The following SLC38A5 variants were observed in gnomAD, a reference collection of about 807,000 sequenced individuals.
SLC38A5 encodes the protein solute carrier family 38 member 5.
SLC38A5 carries 9 observed loss-of-function variants against 34.6 expected under a neutral mutation model. That is an observed-to-expected ratio of 0.26 (90% CI 0.16 to 0.45). The LOEUF is 0.45. Ranked by LOEUF, SLC38A5 falls within the 20% of genes least tolerant of loss-of-function variation. The pLI, the probability that SLC38A5 is intolerant of heterozygous loss-of-function variation, is 1.00. For synonymous variants in SLC38A5, 157 were observed against 155.6 expected (o/e 1.01, Z -0.07); for missense variants, 253 against 394.7 (o/e 0.64, Z 3.04).
Position 48,459,805 on chromosome X carries a change from AGCTATGGCCACATGTCGTGGCCAGCT to A in SLC38A5, c.1114_1139del (p.Trp373AspfsTer47). 1 of 1,211,671 alleles carries A rather than the reference AGCTATGGCCACATGTCGTGGCCAGCT, an allele frequency of 8.3e-7. No homozygotes were observed. The highest frequency in any genetic ancestry group is 3.0e-5 in the East Asian group (1 of 33,814). Reference sequence around the variant, plus strand: ...CATTGACCAAAACAAGCAGGATCAGAGCTATGGCCACATGTCGTGGCCAGCTGAAGGCCTTGCCTGGGAAAAGCAGC... The same window carrying A: ...CATTGACCAAAACAAGCAGGATCAGAGAAGGCCTTGCCTGGGAAAAGCAGC... On this transcript the variant is annotated frameshift_variant, in exon 15 of 17. Transcript: ENST00000620913. LOFTEE classifies it high-confidence loss of function.
chrX:48,467,758 C>A lies in SLC38A5; in HGVS notation c.81G>T (p.Leu27=), dbSNP rs782037687. Residue 27 remains leucine (L), a synonymous_variant, in exon 4 of 17, where the codon CTG becomes CTT. Transcript: ENST00000620913. The part of the protein sequence containing the change: ...VGYRQEREGF[L]PSRGPAPGSK... ...TCCCAGGAGCAGGACCACGACTGGG[C>A]AGGAAGCCCTCACGTTCTTGCCTGT... The A allele has an allele frequency of 8.3e-6, 10 of 1,206,121 alleles. No homozygotes were observed. In the African/African-American group the frequency reaches 1.4e-4, roughly 17 times the overall value.
At chrX:48,466,673 G>T in intron 6 of SLC38A5, 126 bp downstream of exon 6, 2 of 727,843 alleles carry the variant, frequency 2.7e-6, no homozygotes, top group Non-Finnish European at 4.2e-6. Flanking sequence ...GGGATCTGGG[G>T]TCTGCATTCA....
chrX:48,459,467 C>G, intron 16 of SLC38A5, 69 bp downstream of exon 16: 1 of 938,353 alleles, frequency 1.1e-6, no homozygotes, highest in Non-Finnish European at 1.4e-6. Context: ...TCACCTCCAG[C>G]CATCCTGGAG....
intron 9 of SLC38A5, 138 bp downstream of exon 9, chrX:48,462,760 C>T: frequency 2.0e-6 from 1 of 489,932 alleles, no homozygotes; most frequent in Non-Finnish European, 3.3e-6. Context: ...TAGCAAACTC[C>T]TACTAATCTG....
chrX:48,460,928 A>T lies in SLC38A5; in HGVS notation c.952+58T>A, dbSNP rs2061429313. The T allele has an allele frequency of 1.4e-5, 15 of 1,070,617 alleles. No homozygotes were observed. In the South Asian group the frequency reaches 1.8e-4, roughly 13 times the overall value. 88.2% of individuals were successfully genotyped at this position (1,070,617 alleles called of 1,213,427 possible). A position where few individuals can be genotyped will look rare whatever the true frequency, so the allele number is the denominator to read the frequency against. On this transcript the variant is annotated intron_variant, in intron 13 of 16. Transcript: ENST00000620913. The stretch of plus-strand genomic sequence containing the variant: ...CCGTGGTCACAGAAGGAAAGAGCTC[A>T]GAGGCTCCTGCCCCAGGCCTTCCCC...
At chrX:48,463,911 G>GAAAGAAAA (rs782068302) in intron 8 of SLC38A5, among the ~76,000 whole-genome samples, 13 of 97,544 alleles carry the variant, frequency 1.3e-4, no homozygotes, top group African/African-American at 3.9e-4. Context: ...AAGAAAGAAA[G>GAAAGAAAA]AGAAAGAAAG....
At chrX:48,464,274 G>A (rs781865152) in intron 8 of SLC38A5, among the ~76,000 whole-genome samples, 1 of 112,715 alleles carries the variant, frequency 8.9e-6, no homozygotes, top group Non-Finnish European at 1.9e-5. Context: ...GACAGAATCA[G>A]CTGAACAACT....
chrX:48,460,526 G>A, intron 14 of SLC38A5, 123 bp downstream of exon 14: 2 of 670,517 alleles, frequency 3.0e-6, no homozygotes, highest in Non-Finnish European at 4.5e-6. Context: ...GCCCTTTCCT[G>A]TCTGTCCATC....
At chrX:48,461,618 C>A in intron 12 of SLC38A5, 100 bp downstream of exon 12, 1 of 900,010 alleles carries the variant, frequency 1.1e-6, no homozygotes. Flanking sequence ...CTAGCTTCCA[C>A]CAAGTGACAG....
rs781983928 is a variant in SLC38A5 at position 48,459,753 on chromosome X, G to A, written c.1192C>T (p.Arg398Trp). The stretch of plus-strand genomic sequence containing the variant: ...TGACCGATAACTCCAAAGATATCCC[G>A]GATGGTTGGCACACAGATGACAAGG... ...NVLVICVPTI[R>W]DIFGVIGSTS... is the part of the protein sequence containing the mutation. The change falls in exon 15 of 17, where the codon CGG becomes TGG. Residue 398 changes from arginine (R) to tryptophan (W), a missense_variant. Arg to Trp is a moderately radical substitution (Grantham distance 101). Around this residue, in one of 3 missense-constraint regions of SLC38A5, gnomAD observed 176 missense variants for 273.0 expected, o/e 0.64. Coordinates refer to ENST00000620913, the MANE Select transcript of SLC38A5 (RefSeq NM_033518.4). The A allele has an allele frequency of 6.6e-6, 8 of 1,209,392 alleles. No homozygotes were observed. The highest frequency in any genetic ancestry group is 1.8e-5 in the African/African-American group (1 of 57,102).
In SLC38A5 at chrX:48,458,684, C is replaced by CTCCTCCTCCTCTTCT; in HGVS notation, c.*234_*248dup. 1 of 993,795 alleles carries CTCCTCCTCCTCTTCT rather than the reference C, an allele frequency of 1.0e-6. No homozygotes were observed. Among genetic ancestry groups the CTCCTCCTCCTCTTCT allele is most frequent in the Non-Finnish European group, 1.3e-6 (1 of 787,901 alleles). The allele number at this position is 993,795 out of a possible 1,213,427, so 81.9% of individuals were successfully genotyped here. A position where few individuals can be genotyped will look rare whatever the true frequency, so the allele number is the denominator to read the frequency against. ...CCTCCTCCTCCTCCTCCTCCTCCTCCTCCTCCTCCTCTTCTTCCTCCTCCT... is the reference window on the plus strand; with the variant it reads ...CCTCCTCCTCCTCCTCCTCCTCCTCCTCCTCCTCCTCTTCTTCCTCCTCCTCTTCTTCCTCCTCCT... On this transcript the variant is annotated 3_prime_UTR_variant, in exon 17 of 17. Transcript: ENST00000620913.
intron 8 of SLC38A5, among the ~76,000 whole-genome samples, chrX:48,464,860 G>A (rs2061464422): frequency 9.1e-6 from 1 of 110,242 alleles, no homozygotes; most frequent in African/African-American, 3.3e-5. Context: ...CTTGAACCTG[G>A]GAGGCAGAGG....
intron 8 of SLC38A5, 60 bp downstream of exon 8, chrX:48,465,955 C>T: frequency 1.0e-6 from 1 of 978,200 alleles, no homozygotes; most frequent in Non-Finnish European, 1.4e-6. Context: ...AAGATACTGA[C>T]CGGGCCTCAC....
chrX:48,468,879 G>A (rs1387082009), intron 2 of SLC38A5: 1 of 750,403 alleles, frequency 1.3e-6, no homozygotes, highest in Non-Finnish European at 1.6e-6. Context: ...CCCTCCCGTG[G>A]CCTACCGAGT....
At chrX:48,463,524 T>C (rs1556962406) in intron 8 of SLC38A5, among the ~76,000 whole-genome samples, 3 of 110,216 alleles carry the variant, frequency 2.7e-5, no homozygotes, top group Non-Finnish European at 5.7e-5. Flanking sequence ...GAGAATGGCA[T>C]GAACCCGGGA....
At chrX:48,464,071 GCTTGTTTGAA>G (rs1320361176) in intron 8 of SLC38A5, among the ~76,000 whole-genome samples, 1 of 112,001 alleles carries the variant, frequency 8.9e-6, no homozygotes, top group Admixed American at 9.5e-5. Context: ...ACACATGCAT[GCTTGTTTGAA>G]CAGCTCAAGG....
intron 12 of SLC38A5, among the ~76,000 whole-genome samples, chrX:48,461,400 G>A (rs1368462773): frequency 9.0e-6 from 1 of 111,329 alleles, no homozygotes; most frequent in African/African-American, 3.3e-5. Flanking sequence ...CTCCGCCTCT[G>A]TCTGTCCGTA....
chrX:48,461,287 T>C (rs1461013358), intron 12 of SLC38A5, among the ~76,000 whole-genome samples: 1 of 110,736 alleles, frequency 9.0e-6, no homozygotes, highest in Non-Finnish European at 1.9e-5. Flanking sequence ...GATATGACTG[T>C]CTCCCTCTCC....
In SLC38A5 at chrX:48,459,040, G is replaced by A; in HGVS notation, c.1318-6C>T. On this transcript the variant is annotated splice_polypyrimidine_tract_variant and splice_region_variant and intron_variant, in intron 16 of 16. Coordinates refer to ENST00000620913, the MANE Select transcript of SLC38A5 (RefSeq NM_033518.4). ...AGGACTCCAAAGCACAGGGCCTGTG[G>A]GCCAGAGAGACAAGATGGGGCTGGT... is the stretch of plus-strand genomic sequence containing the variant. The A allele has an allele frequency of 8.5e-7, 1 of 1,182,115 alleles. No homozygotes were observed. The highest frequency in any genetic ancestry group is 1.1e-6 in the Non-Finnish European group (1 of 880,108).
Sources: allele counts gnomAD v4.1 joint callset (sites outside exome capture counted in the v4.1 genomes callset), GRCh38; gene constraint gnomAD v4.1.1; regional missense constraint gnomAD v4.1.1; transcripts MANE v1.5; gene names NCBI Gene and HGNC (gene_info 2026-07-23, HGNC 2026-07-21).